ANKS1A: variants seen among roughly 807,000 people sequenced by gnomAD.
The protein encoded by ANKS1A is ankyrin repeat and sterile alpha motif domain containing 1A, also known as ankyrin repeat and SAM domain-containing protein 1A.
Under a neutral mutation model 120.3 loss-of-function variants are expected in ANKS1A, and 55 were observed. The ratio of observed to expected loss-of-function variants is 0.46; its 90% CI spans 0.37 to 0.57. The LOEUF is 0.57. ANKS1A is among the 20% of genes least tolerant of loss of function. ANKS1A has a pLI of 0.00. For synonymous variants in ANKS1A, 590 were observed against 604.7 expected, an observed-to-expected ratio of 0.98 and a Z score of 0.36; for missense variants, 1,123 against 1,480.3, an observed-to-expected ratio of 0.76 and a Z score of 3.96.
At position 34,991,536 on chromosome 6, in the gene ANKS1A, AT is replaced by A. The variant is rs199941480; in HGVS notation, c.1302+2221del. Reference sequence around the variant, plus strand: ...TTTCCACATAGCCGGGAAAAAAAAAATATATACACACACACACACACACACA... The same window carrying A: ...TTTCCACATAGCCGGGAAAAAAAAAAATATACACACACACACACACACACA... On this transcript the variant is annotated intron_variant, in intron 9 of 23. Coordinates refer to ENST00000360359, the MANE Select transcript of ANKS1A (RefSeq NM_015245.3). Among the ~76,000 whole-genome samples the A allele has an allele frequency of 2.5e-3, 258 of 104,540 alleles. 15 individuals carry two copies. The highest frequency in any genetic ancestry group is 5.7e-3 in the East Asian group (17 of 3,000). The allele number at this position is 104,540 out of a possible 152,430, so 68.6% of individuals were successfully genotyped here.
At chr6:35,020,685 G>A (rs1384264524) in intron 11 of ANKS1A, among the ~76,000 whole-genome samples, 1 of 152,132 alleles carries the variant, frequency 6.6e-6, no homozygotes, top group African/African-American at 2.4e-5. Flanking sequence ...TTTCCTCCTG[G>A]CCAAGAAATA....
intron 10 of ANKS1A, among the ~76,000 whole-genome samples, chr6:35,001,830 G>GA (rs34953038): frequency 0.09 from 13,543 of 149,762 alleles, 741 homozygotes; most frequent in East Asian, 0.24. Flanking sequence ...TCAACCAGAG[G>GA]AAAAAAAAAA....
At chr6:34,944,758 T>C (rs1047884029) in intron 1 of ANKS1A, among the ~76,000 whole-genome samples, 1 of 152,352 alleles carries the variant, frequency 6.6e-6, no homozygotes, top group African/African-American at 2.4e-5. Flanking sequence ...AAAATCTGCA[T>C]GAAAGTGAAT....
At chr6:35,002,595 T>C (rs906096779) in intron 10 of ANKS1A, among the ~76,000 whole-genome samples, 6 of 152,106 alleles carry the variant, frequency 3.9e-5, no homozygotes, top group Non-Finnish European at 7.3e-5. Context: ...AATCCTATTA[T>C]ATCCAAGGTA....
chr6:34,889,285 G>A lies in ANKS1A; in HGVS notation c.-118G>A, dbSNP rs1766664633. On this transcript the variant is annotated 5_prime_UTR_variant, in exon 1 of 24. Transcript: ENST00000360359. This position sits in a 1 kb window ranked among gnomAD's most constrained non-coding sequence, Gnocchi z 5.5. ...CGCGCTCGTGGGGAAAAGGCAGGGAGGGGGTGGTGTCCCCAGCCGGTTTGG... is the reference window on the plus strand; with the variant it reads ...CGCGCTCGTGGGGAAAAGGCAGGGAAGGGGTGGTGTCCCCAGCCGGTTTGG... 8.3e-7 allele frequency: 1 copy of A among 1,204,408 alleles called. No homozygotes were observed. 74.6% of individuals were successfully genotyped at this position (1,204,408 alleles called of 1,614,324 possible).
At chr6:35,061,963 T>G (rs535749823) in intron 13 of ANKS1A, among the ~76,000 whole-genome samples, 6 of 152,342 alleles carry the variant, frequency 3.9e-5, no homozygotes. Context: ...TACTTCAAGA[T>G]GCTAGAGGCT....
chr6:35,002,843 C>G (rs1356729170), intron 10 of ANKS1A, among the ~76,000 whole-genome samples: 1 of 151,812 alleles, frequency 6.6e-6, no homozygotes, highest in African/African-American at 2.4e-5. Context: ...AGGACAAAAA[C>G]TGTATAATAA....
intron 1 of ANKS1A, among the ~76,000 whole-genome samples, chr6:34,958,610 T>C (rs1278140622): frequency 6.6e-6 from 1 of 152,208 alleles, no homozygotes; most frequent in Non-Finnish European, 1.5e-5. Flanking sequence ...ATTCCCCGCT[T>C]GAATCTCTTC....
intron 10 of ANKS1A, among the ~76,000 whole-genome samples, chr6:35,013,923 GATA>G (rs760821237): frequency 5.9e-5 from 9 of 152,206 alleles, no homozygotes; most frequent in Non-Finnish European, 1.0e-4. Flanking sequence ...CTGTGTGGAG[GATA>G]ATAACAATTT....
At chr6:34,953,747 G>C (rs529389667) in intron 1 of ANKS1A, among the ~76,000 whole-genome samples, 1 of 152,256 alleles carries the variant, frequency 6.6e-6, no homozygotes, top group Admixed American at 6.5e-5. Flanking sequence ...CTTACTGTGT[G>C]CTTGCTACTT....
At position 35,078,013 on chromosome 6, in the gene ANKS1A, C is replaced by T. The variant is rs112338986; in HGVS notation, c.2185-545C>T. On this transcript the variant is annotated intron_variant, in intron 13 of 23. Transcript: ENST00000360359. ...CCAGTGGAGGTCTCAGAAAACAGCA[C>T]GGACTGGGCTCAGCTCTGACCCACC... 4.8e-3 allele frequency among the ~76,000 whole-genome samples: 734 copies of T among 152,266 alleles called. 6 individuals are homozygous for T. The highest frequency in any genetic ancestry group is 0.027 in the Middle Eastern group (8 of 294).
intron 16 of ANKS1A, among the ~76,000 whole-genome samples, chr6:35,080,398 G>A (rs1215614663): frequency 6.6e-6 from 1 of 152,248 alleles, no homozygotes; most frequent in Non-Finnish European, 1.5e-5. Context: ...AGAGCCTGCA[G>A]CTGAGGAAGA....
intron 3 of ANKS1A, among the ~76,000 whole-genome samples, chr6:34,975,930 G>A (rs1771550949): frequency 6.6e-6 from 1 of 151,868 alleles, no homozygotes; most frequent in Admixed American, 6.6e-5. Context: ...TTGAGGTCAG[G>A]AGTTCGAGAC....
chr6:34,973,486 G>A (rs9357191), intron 3 of ANKS1A, among the ~76,000 whole-genome samples: 162 of 152,160 alleles, frequency 1.1e-3, no homozygotes, highest in African/African-American at 2.7e-3. Flanking sequence ...GCTCTCACCC[G>A]CTGGTTTTGG....
At chr6:35,092,378 T>G (rs1347845644), downstream of ANKS1A, among the ~76,000 whole-genome samples, 2 of 152,220 alleles carry the variant, frequency 1.3e-5, no homozygotes, top group Non-Finnish European at 2.9e-5. Context: ...TGTCTAAAAC[T>G]TAACCTCTTT....
chr6:34,964,682 T>C (rs888373010), intron 1 of ANKS1A, among the ~76,000 whole-genome samples: 8 of 152,222 alleles, frequency 5.3e-5, no homozygotes, highest in African/African-American at 1.9e-4. Flanking sequence ...ACTCTTACAA[T>C]GAAGCAGTCC....
Position 35,021,178 on chromosome 6 carries a change from T to C in ANKS1A, c.2010+3119T>C, listed in dbSNP as rs572691525. 9.6e-4 allele frequency among the ~76,000 whole-genome samples: 146 copies of C among 152,348 alleles called. 1 individual carries two copies. The East Asian group carries it at 0.012, about 12-fold the overall frequency. The stretch of plus-strand genomic sequence containing the variant: ...ATTAGTTAATGGCTGCTCCCCACCC[T>C]ATCCCTGACCAGTGCCTGTAGCCGG... On this transcript the variant is annotated intron_variant, in intron 11 of 23. Coordinates refer to ENST00000360359, the MANE Select transcript of ANKS1A (RefSeq NM_015245.3).
intron 13 of ANKS1A, among the ~76,000 whole-genome samples, chr6:35,068,909 C>T (rs1049709444): frequency 6.6e-6 from 1 of 152,084 alleles, no homozygotes; most frequent in African/African-American, 2.4e-5. Context: ...GAGCTAGAGT[C>T]CAGGCTGGCG....
chr6:34,948,757 T>C (rs549712746), intron 1 of ANKS1A, among the ~76,000 whole-genome samples: 21 of 152,172 alleles, frequency 1.4e-4, no homozygotes, highest in Non-Finnish European at 2.5e-4. Flanking sequence ...CTGTGAAAAG[T>C]AAACAAAACA....
Sources: gnomAD v4.1 joint callset for allele counts (sites outside exome capture counted in the v4.1 genomes callset) on GRCh38, gnomAD v4.1.1 for gene constraint, Gnocchi (gnomAD v3.1) non-coding constraint, MANE v1.5 for transcripts, NCBI Gene and HGNC (gene_info 2026-07-23, HGNC 2026-07-21) for gene names.